The following TFEC variants were observed in gnomAD, a reference collection of about 807,000 sequenced individuals.
TFEC encodes class E basic helix-loop-helix protein 34.
A neutral mutation model predicts 41.6 loss-of-function variants in TFEC; 31 were observed. The observed-to-expected ratio is 0.74, with a 90% CI of 0.56 to 1.01. The LOEUF (loss-of-function observed/expected upper bound fraction) is 1.01, where lower values mean the gene tolerates loss of function less well. Ranked by LOEUF, TFEC falls within the 50% of genes least tolerant of loss-of-function variation. TFEC has a pLI of 0.00. For synonymous variants in TFEC, 143 were observed against 140.6 expected (o/e 1.02, Z -0.12); for missense variants, 402 against 404.1 (o/e 0.99, Z 0.04).
intron 1 of TFEC, among the ~76,000 whole-genome samples, chr7:115,989,320 T>G (rs1213430054): frequency 6.6e-6 from 1 of 152,164 alleles, no homozygotes; most frequent in Admixed American, 6.5e-5. Context: ...AGTCTACAAC[T>G]CCCAGCGTGA....
At chr7:116,133,641 C>T (rs1798378589) in intron 1 of TFEC, among the ~76,000 whole-genome samples, 1 of 151,758 alleles carries the variant, frequency 6.6e-6, no homozygotes, top group Non-Finnish European at 1.5e-5. Context: ...TTTCATGCCC[C>T]TCTTGTTGAT....
upstream of TFEC, among the ~76,000 whole-genome samples, chr7:116,032,987 T>C (rs996629258): frequency 3.9e-5 from 6 of 152,142 alleles, no homozygotes; most frequent in Non-Finnish European, 7.4e-5. Context: ...ATGACAAGAA[T>C]GAGGGAGATC....
At chr7:116,063,590 G>T (rs956296593) in intron 3 of TFEC, among the ~76,000 whole-genome samples, 2 of 152,182 alleles carry the variant, frequency 1.3e-5, no homozygotes, top group Non-Finnish European at 2.9e-5. Flanking sequence ...ATGCACTCCA[G>T]CCTGGGCAAC....
chr7:116,084,541 T>C (rs1258015386), intron 3 of TFEC, among the ~76,000 whole-genome samples: 4 of 151,904 alleles, frequency 2.6e-5, no homozygotes, highest in Non-Finnish European at 4.4e-5. Flanking sequence ...AATTTTTATA[T>C]GGCACATTGG....
At chr7:116,111,567 T>C (rs1440116011) in intron 2 of TFEC, among the ~76,000 whole-genome samples, 1 of 151,992 alleles carries the variant, frequency 6.6e-6, no homozygotes, top group Non-Finnish European at 1.5e-5. Context: ...CCACACTCAA[T>C]TTCTGGCTTG....
chr7:116,100,107 T>A (rs1797570870), intron 3 of TFEC, among the ~76,000 whole-genome samples: 1 of 152,200 alleles, frequency 6.6e-6, no homozygotes, highest in Non-Finnish European at 1.5e-5. Context: ...GCCTTTGTAA[T>A]ATCAAATGGC....
intron 3 of TFEC, among the ~76,000 whole-genome samples, chr7:116,067,511 T>C (rs1459234784): frequency 6.6e-6 from 1 of 152,022 alleles, no homozygotes; most frequent in African/African-American, 2.4e-5. Flanking sequence ...ACTATAAGCA[T>C]TTAGCTTGAC....
intron 3 of TFEC, among the ~76,000 whole-genome samples, chr7:116,071,308 A>G (rs1796821864): frequency 6.6e-6 from 1 of 151,018 alleles, no homozygotes; most frequent in African/African-American, 2.4e-5. Context: ...AAATTAGTAC[A>G]AGATGAGATG....
intron 1 of TFEC, among the ~76,000 whole-genome samples, chr7:116,029,701 T>C (rs992262680): frequency 3.2e-4 from 49 of 152,028 alleles, no homozygotes; most frequent in African/African-American, 1.0e-3. Flanking sequence ...ATATACAGCA[T>C]ATATATATGT....
intron 6 of TFEC, among the ~76,000 whole-genome samples, chr7:115,944,184 A>C (rs1027486164): frequency 1.1e-4 from 17 of 151,018 alleles, no homozygotes; most frequent in Admixed American, 2.6e-4. Flanking sequence ...ACTATTTAGA[A>C]AACTTTTTAC....
chr7:115,963,747 C>T (rs1454116369), intron 3 of TFEC, among the ~76,000 whole-genome samples: 1 of 151,634 alleles, frequency 6.6e-6, no homozygotes, highest in Non-Finnish European at 1.5e-5. Flanking sequence ...CAAAGGTTAT[C>T]AGGATCTGGA....
At chr7:116,029,450 T>C (rs551786944) in intron 1 of TFEC, among the ~76,000 whole-genome samples, 1 of 152,272 alleles carries the variant, frequency 6.6e-6, no homozygotes, top group African/African-American at 2.4e-5. Flanking sequence ...CCATTTCACT[T>C]TGCTGTGCTG....
intron 1 of TFEC, among the ~76,000 whole-genome samples, chr7:116,118,697 A>G (rs1454473602): frequency 1.3e-5 from 2 of 151,850 alleles, no homozygotes; most frequent in Non-Finnish European, 2.9e-5. Context: ...ATAGTTGCAT[A>G]TTATGAAAGA....
At chr7:116,011,421 C>T (rs1463500386) in intron 1 of TFEC, among the ~76,000 whole-genome samples, 1 of 152,010 alleles carries the variant, frequency 6.6e-6, no homozygotes. Flanking sequence ...TAAGACTTCC[C>T]TGTATATAAA....
intron 6 of TFEC, among the ~76,000 whole-genome samples, chr7:115,944,013 A>ATTTTTTTTTTTTTTT (rs1160114562): frequency 0.038 from 860 of 22,760 alleles, 260 homozygotes; most frequent in Non-Finnish European, 0.065. Flanking sequence ...ACAGGTCTGA[A>ATTTTTTTTTTTTTTT]TTTTTTTTTT....
intron 1 of TFEC, among the ~76,000 whole-genome samples, chr7:116,017,847 G>C (rs1213100237): frequency 1.3e-5 from 2 of 152,002 alleles, no homozygotes; most frequent in African/African-American, 4.8e-5. Context: ...TTTTGTTTCT[G>C]AACTCTCATA....
chr7:115,977,479 G>C (rs1793435976), intron 2 of TFEC, among the ~76,000 whole-genome samples: 1 of 151,982 alleles, frequency 6.6e-6, no homozygotes, highest in Admixed American at 6.6e-5. Flanking sequence ...AAAGAACTTT[G>C]AACCTACATA....
At chr7:116,102,392 A>C (rs1797624455) in intron 3 of TFEC, among the ~76,000 whole-genome samples, 1 of 152,210 alleles carries the variant, frequency 6.6e-6, no homozygotes, top group Non-Finnish European at 1.5e-5. Context: ...CATTTAGATG[A>C]TGACTGATCT....
At chr7:116,066,500 AG>A (rs928198976) in intron 3 of TFEC, among the ~76,000 whole-genome samples, 1 of 151,960 alleles carries the variant, frequency 6.6e-6, no homozygotes, top group Admixed American at 6.6e-5. Flanking sequence ...TATATATATG[AG>A]ATAAATCTGA....
Sources: allele counts gnomAD v4.1 joint callset (sites outside exome capture counted in the v4.1 genomes callset), GRCh38; gene constraint gnomAD v4.1.1; transcripts MANE v1.5; gene names NCBI Gene and HGNC (gene_info 2026-07-23, HGNC 2026-07-21).